Variants in BBS4 observed in about 807,000 individuals in gnomAD.
The protein encoded by BBS4 is BBSome complex member BBS4.
BBS4 carries 58 observed loss-of-function variants against 71.4 expected under a neutral mutation model. The observed-to-expected ratio is 0.81, with a 90% CI of 0.66 to 1.01. BBS4 has a LOEUF of 1.01. BBS4 is among the 50% of genes least tolerant of loss of function. BBS4 has a pLI of 0.00. For missense variants in BBS4, 660 were observed against 607.9 expected (o/e 1.09, Z -0.90); for synonymous variants, 228 against 216.8 (o/e 1.05, Z -0.46).
At chr15:72,706,812 A>G (rs993591355) in intron 2 of BBS4, among the ~76,000 whole-genome samples, 2 of 152,160 alleles carry the variant, frequency 1.3e-5, no homozygotes, top group East Asian at 1.9e-4. Flanking sequence ...TTGGATAGCA[A>G]TGAGCAGCAT....
At chr15:72,715,996 G>A (rs933048457) in intron 5 of BBS4, among the ~76,000 whole-genome samples, 3 of 152,322 alleles carry the variant, frequency 2.0e-5, no homozygotes, top group Admixed American at 6.5e-5. Flanking sequence ...GTCAGCAAAT[G>A]TAGTTAAGAA....
At chr15:72,724,752 T>C in intron 8 of BBS4, 97 bp downstream of exon 8, 1 of 1,482,822 alleles carries the variant, frequency 6.7e-7, no homozygotes, top group South Asian at 1.2e-5. Flanking sequence ...GTTTGATTAA[T>C]TACTTACTGT....
chr15:72,694,193 CTTTTT>C (rs34852416), intron 1 of BBS4, among the ~76,000 whole-genome samples: 1 of 135,400 alleles, frequency 7.4e-6, no homozygotes, highest in Non-Finnish European at 1.6e-5. Context: ...CCTTTCTTTC[CTTTTT>C]TTTTTTTTTT....
At chr15:72,710,897 TCTC>T (rs1161057476) in intron 3 of BBS4, among the ~76,000 whole-genome samples, 1 of 151,442 alleles carries the variant, frequency 6.6e-6, no homozygotes, top group Non-Finnish European at 1.5e-5. Flanking sequence ...TTCAAGCAAT[TCTC>T]CTGCCTCAGC....
chr15:72,707,618 AATAG>A (rs989909161), intron 2 of BBS4, among the ~76,000 whole-genome samples: 5 of 152,234 alleles, frequency 3.3e-5, no homozygotes, highest in African/African-American at 1.2e-4. Flanking sequence ...TTTTTTGAGA[AATAG>A]GCATTAAAGA....
At chr15:72,716,956 A>AT in intron 6 of BBS4, 106 bp downstream of exon 6, 1 of 823,808 alleles carries the variant, frequency 1.2e-6, no homozygotes, top group South Asian at 1.5e-5. Context: ...AAATGTCTTG[A>AT]TTTTAACCTC....
At chr15:72,689,031 A>G (rs541787194) in intron 1 of BBS4, among the ~76,000 whole-genome samples, 1 of 151,978 alleles carries the variant, frequency 6.6e-6, no homozygotes, top group East Asian at 1.9e-4. Flanking sequence ...TCAGAAAGAA[A>G]AAAAAAAAAA....
Position 72,737,708 on chromosome 15 carries a change from A to ACGAGGAGCCAG in BBS4, c.*123_*133dup. The ACGAGGAGCCAG allele has an allele frequency of 1.2e-6, 1 of 837,638 alleles. No homozygotes were observed. Among genetic ancestry groups the ACGAGGAGCCAG allele is most frequent in the Admixed American group, 2.0e-5 (1 of 49,270 alleles). The allele number at this position is 837,638 out of a possible 1,614,324, so 51.9% of individuals were successfully genotyped here. A position where few individuals can be genotyped will look rare whatever the true frequency, so the allele number is the denominator to read the frequency against. On this transcript the variant is annotated 3_prime_UTR_variant, in exon 16 of 16. Transcript: ENST00000268057. ...ACCACAGAATACAGTGTGTGTTATT[A>ACGAGGAGCCAG]CGAGGAGCCAGCAGTTGAGCCTAAG...
chr15:72,736,010 G>C, intron 14 of BBS4, 44 bp downstream of exon 14: 1 of 1,611,768 alleles, frequency 6.2e-7, no homozygotes, highest in Non-Finnish European at 8.5e-7. Flanking sequence ...TAAGCTCTCA[G>C]GAGACTTTTA....
intron 4 of BBS4, among the ~76,000 whole-genome samples, chr15:72,713,847 T>A (rs2065421099): frequency 6.6e-6 from 1 of 152,216 alleles, no homozygotes; most frequent in South Asian, 2.1e-4. Context: ...TCATTACAGG[T>A]GCATGAGTTT....
intron 6 of BBS4, among the ~76,000 whole-genome samples, chr15:72,722,481 ATGGGTGATGGGCAACTC>A (rs918979691): frequency 2.0e-5 from 3 of 152,224 alleles, no homozygotes; most frequent in African/African-American, 7.2e-5. Flanking sequence ...AGCAAAGGGT[ATGGGTGATGGGCAACTC>A]TTAAAGAAAA....
chr15:72,728,822 A>G (rs1035557458), intron 9 of BBS4, among the ~76,000 whole-genome samples: 3 of 152,138 alleles, frequency 2.0e-5, no homozygotes, highest in African/African-American at 4.8e-5. Flanking sequence ...CTCTTCCCCA[A>G]TATACACATT....
chr15:72,730,663 G>A (rs192870666), intron 10 of BBS4, among the ~76,000 whole-genome samples: 169 of 152,266 alleles, frequency 1.1e-3, no homozygotes, highest in African/African-American at 4.0e-3. Flanking sequence ...TTTTCTAGAT[G>A]TGACTTTGGG....
At chr15:72,705,879 C>T (rs1362989978) in intron 2 of BBS4, among the ~76,000 whole-genome samples, 1 of 152,026 alleles carries the variant, frequency 6.6e-6, no homozygotes, top group Non-Finnish European at 1.5e-5. Flanking sequence ...ACCACTATAG[C>T]TAGCCCTGAT....
chr15:72,736,008 C>T, intron 14 of BBS4, 42 bp downstream of exon 14: 1 of 1,611,738 alleles, frequency 6.2e-7, no homozygotes, highest in Non-Finnish European at 8.5e-7. Context: ...AGTAAGCTCT[C>T]AGGAGACTTT....
chr15:72,702,748 C>T (rs2065192891), intron 2 of BBS4, among the ~76,000 whole-genome samples: 1 of 150,278 alleles, frequency 6.7e-6, no homozygotes, highest in Non-Finnish European at 1.5e-5. Context: ...CCTGTTCGCC[C>T]TCAGATCCAT....
At chr15:72,737,048 TCTC>T in intron 15 of BBS4, 85 bp downstream of exon 15, 2 of 1,486,732 alleles carry the variant, frequency 1.3e-6, no homozygotes, top group Non-Finnish European at 1.9e-6. Context: ...TCAGTGAGGT[TCTC>T]TTCAGACTCA....
intron 1 of BBS4, chr15:72,686,484 C>G (rs1055622825): frequency 1.3e-6 from 2 of 1,526,302 alleles, no homozygotes; most frequent in African/African-American, 2.7e-5. Context: ...TCTTGGGGTG[C>G]GCTGGACGGA....
intron 15 of BBS4, 126 bp from the exon 16 acceptor site, chr15:72,737,352 A>G (rs988413819): frequency 5.0e-6 from 4 of 792,700 alleles, no homozygotes; most frequent in African/African-American, 3.5e-5. Flanking sequence ...CTTCCCTTAT[A>G]GTTAATGGGT....
Sources: allele counts gnomAD v4.1 joint callset (sites outside exome capture counted in the v4.1 genomes callset), GRCh38; gene constraint gnomAD v4.1.1; transcripts MANE v1.5; gene names NCBI Gene and HGNC (gene_info 2026-07-23, HGNC 2026-07-21).